The following PLCB1 variants were observed in gnomAD, a reference collection of about 807,000 sequenced individuals.
The protein encoded by PLCB1 is 1-phosphatidylinositol 4,5-bisphosphate phosphodiesterase beta-1.
Under a neutral mutation model 161.8 loss-of-function variants are expected in PLCB1, and 46 were observed. The ratio of observed to expected loss-of-function variants is 0.28; its 90% CI spans 0.22 to 0.36. The LOEUF (loss-of-function observed/expected upper bound fraction) is 0.36. Ranked by LOEUF, PLCB1 falls within the 10% of genes least tolerant of loss-of-function variation. The probability of loss-of-function intolerance (pLI) is 1.00; values close to 1 mark genes in which losing one functional copy is unlikely to be tolerated. For synonymous variants in PLCB1, 517 were observed against 503.7 expected (o/e 1.03, Z -0.35); for missense variants, 1,016 against 1,472.5 (o/e 0.69, Z 5.07).
At chr20:8,150,174 T>C (rs1232919082) in intron 1 of PLCB1, 120 bp from the exon 2 acceptor site, 4 of 447,748 alleles carry the variant, frequency 8.9e-6, no homozygotes, top group Non-Finnish European at 1.6e-5. Flanking sequence ...TCTTTTGAAA[T>C]TTTTCTTAAT....
intron 3 of PLCB1, among the ~76,000 whole-genome samples, chr20:8,455,054 C>T (rs926766249): frequency 4.1e-5 from 6 of 146,546 alleles, no homozygotes; most frequent in East Asian, 1.9e-4. Flanking sequence ...ACTAGTTGGC[C>T]GGGCATGGTG....
At chr20:8,567,215 T>C (rs536349838) in intron 3 of PLCB1, among the ~76,000 whole-genome samples, 1 of 152,292 alleles carries the variant, frequency 6.6e-6, no homozygotes, top group East Asian at 1.9e-4. Flanking sequence ...GTTCCAGAAC[T>C]TGAGCTCCAG....
At chr20:8,722,047 G>A (rs1979667371) in intron 14 of PLCB1, among the ~76,000 whole-genome samples, 2 of 152,208 alleles carry the variant, frequency 1.3e-5, no homozygotes, top group East Asian at 3.9e-4. Flanking sequence ...TTAAATGCCA[G>A]CAAACTGTTT....
At chr20:8,146,164 G>A (rs1280340779) in intron 1 of PLCB1, among the ~76,000 whole-genome samples, 7 of 150,258 alleles carry the variant, frequency 4.7e-5, no homozygotes, top group Non-Finnish European at 1.0e-4. Context: ...CAGATATTCA[G>A]CCTATCTGCA....
chr20:8,551,197 A>G (rs1287480929), intron 3 of PLCB1, among the ~76,000 whole-genome samples: 6 of 152,182 alleles, frequency 3.9e-5, no homozygotes, highest in African/African-American at 1.4e-4. Context: ...CAGGTTAGCT[A>G]TAACCAAAAA....
intron 2 of PLCB1, among the ~76,000 whole-genome samples, chr20:8,223,879 T>A (rs931722183): frequency 3.9e-5 from 6 of 152,196 alleles, no homozygotes; most frequent in African/African-American, 1.4e-4. Flanking sequence ...CTACAGTGCT[T>A]GCTTGGCGTC....
chr20:8,679,731 T>G (rs750984603), intron 9 of PLCB1, among the ~76,000 whole-genome samples: 2 of 152,238 alleles, frequency 1.3e-5, no homozygotes, highest in Non-Finnish European at 2.9e-5. Flanking sequence ...TGCCATTATA[T>G]GAGTGACATG....
chr20:8,138,173 T>C (rs1351963653), intron 1 of PLCB1, among the ~76,000 whole-genome samples: 3 of 152,262 alleles, frequency 2.0e-5, no homozygotes, highest in Non-Finnish European at 4.4e-5. Context: ...TTAACACTAA[T>C]ATTTCCCCAC....
intron 9 of PLCB1, among the ~76,000 whole-genome samples, chr20:8,682,828 T>C (rs571744364): frequency 3.3e-5 from 5 of 152,330 alleles, no homozygotes; most frequent in South Asian, 4.1e-4. Context: ...ATTGGTTATG[T>C]GTATTAAAAT....
At chr20:8,574,598 G>A (rs892103070) in intron 3 of PLCB1, among the ~76,000 whole-genome samples, 5 of 152,192 alleles carry the variant, frequency 3.3e-5, no homozygotes, top group African/African-American at 7.2e-5. Context: ...GTATGTCGAA[G>A]GGAGGAAGGG....
At chr20:8,708,590 A>G (rs1484967980) in intron 11 of PLCB1, 80 bp from the exon 12 acceptor site, 1 of 837,514 alleles carries the variant, frequency 1.2e-6, no homozygotes, top group Non-Finnish European at 2.0e-6. Flanking sequence ...AGACAACTAT[A>G]TTAATAGATT....
chr20:8,681,300 A>G (rs1399525491), intron 9 of PLCB1, among the ~76,000 whole-genome samples: 2 of 151,736 alleles, frequency 1.3e-5, no homozygotes, highest in Non-Finnish European at 2.9e-5. Flanking sequence ...TCTATCCTGT[A>G]CCCAAGGCAG....
intron 31 of PLCB1, among the ~76,000 whole-genome samples, chr20:8,845,353 G>A (rs975900605): frequency 2.0e-5 from 3 of 151,966 alleles, no homozygotes; most frequent in African/African-American, 7.3e-5. Context: ...TTTTAGTATT[G>A]TTTCTCAAAT....
At chr20:8,190,422 T>A (rs565750319) in intron 2 of PLCB1, among the ~76,000 whole-genome samples, 1 of 152,226 alleles carries the variant, frequency 6.6e-6, no homozygotes, top group East Asian at 1.9e-4. Flanking sequence ...CTAGTGTGAT[T>A]TTAAAGTTTG....
intron 2 of PLCB1, among the ~76,000 whole-genome samples, chr20:8,270,300 T>A (rs1982215250): frequency 6.6e-6 from 1 of 152,156 alleles, no homozygotes; most frequent in Non-Finnish European, 1.5e-5. Context: ...TTCAACTTGC[T>A]AAGTACACAG....
Position 8,242,183 on chromosome 20 carries a change from TC to T in PLCB1, c.177+91813del, listed in dbSNP as rs1457567378. On this transcript the variant is annotated intron_variant, in intron 2 of 31. Coordinates refer to ENST00000338037, the MANE Select transcript of PLCB1 (RefSeq NM_015192.4). ...CTGTTGTTGTTGTTTTTATTTTTTT[TC>T]TCTCTGCAGAATGGCTTATTTGCTC... Among the ~76,000 whole-genome samples, 5 of 151,888 alleles carry T rather than the reference TC, an allele frequency of 3.3e-5. No homozygotes were observed. The East Asian group carries it at 9.7e-4, about 30-fold the overall frequency.
At chr20:8,538,775 C>T (rs919316228) in intron 3 of PLCB1, among the ~76,000 whole-genome samples, 1 of 151,282 alleles carries the variant, frequency 6.6e-6, no homozygotes, top group Non-Finnish European at 1.5e-5. Flanking sequence ...TTCTATTCCC[C>T]ATTTTATTTT....
intron 9 of PLCB1, among the ~76,000 whole-genome samples, chr20:8,670,821 A>T (rs1024837672): frequency 6.6e-6 from 1 of 152,226 alleles, no homozygotes; most frequent in Admixed American, 6.5e-5. Flanking sequence ...TTGGTGAGCC[A>T]TGGGATATTA....
chr20:8,494,738 C>T (rs1983088783), intron 3 of PLCB1, among the ~76,000 whole-genome samples: 1 of 152,188 alleles, frequency 6.6e-6, no homozygotes, highest in Non-Finnish European at 1.5e-5. Flanking sequence ...TATCTTTCCT[C>T]CCTCTCTTGC....
Sources: gnomAD v4.1 joint callset for allele counts (sites outside exome capture counted in the v4.1 genomes callset) on GRCh38, gnomAD v4.1.1 for gene constraint, MANE v1.5 for transcripts, NCBI Gene and HGNC (gene_info 2026-07-23, HGNC 2026-07-21) for gene names.